Variants in MSRB3 observed in about 807,000 individuals in gnomAD.
MSRB3 encodes methionine sulfoxide reductase B3, also known as methionine-R-sulfoxide reductase B3.
In MSRB3, 13 loss-of-function variants were observed where a neutral mutation model predicts 21.0. The observed-to-expected ratio is 0.62, with a 90% CI of 0.40 to 0.98. The LOEUF (loss-of-function observed/expected upper bound fraction) is 0.98, where lower values mean the gene tolerates loss of function less well. Ranked by LOEUF, MSRB3 falls within the 50% of genes least tolerant of loss-of-function variation. The pLI is 0.00. For synonymous variants in MSRB3, 87 were observed against 88.6 expected, an observed-to-expected ratio of 0.98 and a Z score of 0.10; for missense variants, 199 against 230.3, an observed-to-expected ratio of 0.86 and a Z score of 0.88.
chr12:65,458,312 C>T (rs1883180754), intron 6 of MSRB3, among the ~76,000 whole-genome samples: 1 of 152,184 alleles, frequency 6.6e-6, no homozygotes, highest in African/African-American at 2.4e-5. Flanking sequence ...AATTAGGCCT[C>T]ATATTTGCAT....
At chr12:65,321,388 T>A (rs1874653517) in intron 2 of MSRB3, among the ~76,000 whole-genome samples, 1 of 152,210 alleles carries the variant, frequency 6.6e-6, no homozygotes, top group African/African-American at 2.4e-5. Context: ...ACATTTTTGA[T>A]GACTTAATTT....
intron 3 of MSRB3, among the ~76,000 whole-genome samples, chr12:65,327,879 C>T (rs531344697): frequency 1.3e-5 from 2 of 152,310 alleles, no homozygotes; most frequent in South Asian, 2.1e-4. Flanking sequence ...CTGTTGTGTA[C>T]ATGACTAGCA....
intron 5 of MSRB3, among the ~76,000 whole-genome samples, chr12:65,434,098 T>C (rs559382294): frequency 5.9e-5 from 9 of 152,020 alleles, no homozygotes; most frequent in African/African-American, 2.2e-4. Flanking sequence ...GTGTATGGGG[T>C]CCGTCCTTTC....
intron 1 of MSRB3, 78 bp downstream of exon 1, chr12:65,278,943 C>G: frequency 1.3e-6 from 2 of 1,530,110 alleles, no homozygotes; most frequent in Non-Finnish European, 1.8e-6. Context: ...GGTGTGACCC[C>G]GAGCCGGGAT....
chr12:65,409,246 C>T (rs1880590976), intron 5 of MSRB3, among the ~76,000 whole-genome samples: 1 of 152,066 alleles, frequency 6.6e-6, no homozygotes, highest in African/African-American at 2.4e-5. Context: ...CATCAGAATA[C>T]ATTCTGAGAA....
At chr12:65,358,562 T>G (rs1877522511) in intron 4 of MSRB3, among the ~76,000 whole-genome samples, 1 of 151,938 alleles carries the variant, frequency 6.6e-6, no homozygotes, top group Non-Finnish European at 1.5e-5. Context: ...TTTTGTTGTG[T>G]TTTTGAGTGC....
Position 65,340,755 on chromosome 12 carries a change from C to T in MSRB3, c.263+12152C>T, listed in dbSNP as rs142658658. On this transcript the variant is annotated intron_variant, in intron 4 of 6. Transcript: ENST00000308259. ...ACTAGAAATGAGAATAAGATAAAAC[C>T]ACAGAGATGGAAAAAACTATTTTAA... Among the ~76,000 whole-genome samples the T allele has an allele frequency of 8.2e-3, 1,239 of 151,324 alleles. 18 individuals carry two copies. The highest frequency in any genetic ancestry group is 0.029 in the African/African-American group (1,207 of 41,290).
chr12:65,466,332 G>A lies in MSRB3; in HGVS notation c.*3010G>A, dbSNP rs1048637417. On this transcript the variant is annotated 3_prime_UTR_variant, in exon 7 of 7. Transcript: ENST00000308259. ...TGTGAAAGAAATATATTACTAAAAC[G>A]TCAGTGAGCAATAATGTCAGCTGTC... 5 of 152,080 alleles carry A rather than the reference G, an allele frequency of 3.3e-5. No homozygotes were observed. The highest frequency in any genetic ancestry group is 7.2e-5 in the African/African-American group (3 of 41,412). The allele number at this position is 152,080 out of a possible 1,614,324, so 9.4% of individuals were successfully genotyped here. A position where few individuals can be genotyped will look rare whatever the true frequency, so the allele number is the denominator to read the frequency against.
chr12:65,378,822 A>G (rs747874720), intron 5 of MSRB3, among the ~76,000 whole-genome samples: 2 of 152,224 alleles, frequency 1.3e-5, no homozygotes, highest in Non-Finnish European at 2.9e-5. Context: ...CATGAGTGAG[A>G]ATACTTACAT....
chr12:65,380,787 C>A (rs939794480), intron 5 of MSRB3, among the ~76,000 whole-genome samples: 2 of 152,078 alleles, frequency 1.3e-5, no homozygotes, highest in African/African-American at 2.4e-5. Context: ...TAGATATTTG[C>A]CCAAGGTCAC....
intron 1 of MSRB3, chr12:65,306,727 G>C (rs181832911): frequency 1.7e-6 from 1 of 590,916 alleles, no homozygotes; most frequent in East Asian, 1.4e-4. Flanking sequence ...ACTAGATGGA[G>C]CCCTGGCTAT....
chr12:65,357,931 A>C (rs1038901039), intron 4 of MSRB3, among the ~76,000 whole-genome samples: 2 of 151,990 alleles, frequency 1.3e-5, no homozygotes, highest in African/African-American at 4.8e-5. Context: ...CACTGTAAAC[A>C]TACTTTTTTC....
At chr12:65,441,673 G>A (rs1181001789) in intron 5 of MSRB3, among the ~76,000 whole-genome samples, 2 of 151,920 alleles carry the variant, frequency 1.3e-5, no homozygotes, top group Non-Finnish European at 2.9e-5. Flanking sequence ...AAACAGTTAT[G>A]ATATATTAGA....
chr12:65,409,780 T>C (rs1429173419), intron 5 of MSRB3, among the ~76,000 whole-genome samples: 3 of 152,186 alleles, frequency 2.0e-5, no homozygotes, highest in Non-Finnish European at 4.4e-5. Context: ...TTTATGAGTT[T>C]TATTTATCAT....
At chr12:65,325,679 T>C (rs981701848) in intron 2 of MSRB3, among the ~76,000 whole-genome samples, 4 of 152,200 alleles carry the variant, frequency 2.6e-5, no homozygotes, top group Non-Finnish European at 5.9e-5. Context: ...TCTTTATATT[T>C]CAAAAGAAGT....
chr12:65,293,957 G>A (rs2136399647), intron 1 of MSRB3, among the ~76,000 whole-genome samples: 1 of 152,306 alleles, frequency 6.6e-6, no homozygotes, highest in South Asian at 2.1e-4. Flanking sequence ...CTCTCCTGTG[G>A]CCTCCAGGTA....
At chr12:65,375,017 T>C (rs1332876431) in intron 5 of MSRB3, among the ~76,000 whole-genome samples, 1 of 151,204 alleles carries the variant, frequency 6.6e-6, no homozygotes, top group African/African-American at 2.4e-5. Context: ...GCCTGGCTTT[T>C]TTTTTTTTTT....
At chr12:65,287,264 A>C (rs1030432974) in intron 1 of MSRB3, among the ~76,000 whole-genome samples, 4 of 151,250 alleles carry the variant, frequency 2.6e-5, no homozygotes, top group Non-Finnish European at 5.9e-5. Flanking sequence ...CTAGGACTAC[A>C]GGCTTGTGTC....
chr12:65,308,623 C>T lies in MSRB3; in HGVS notation c.44C>T (p.Pro15Leu). Residue 15 changes from proline (P) to leucine (L), a missense_variant, in exon 2 of 7, where the codon CCA becomes CTA. Pro to Leu is a moderately conservative substitution (Grantham distance 98). Transcript: ENST00000308259. Reference sequence around the variant, plus strand: ...CTGCATTTGGTGACAAAGAGCCAGCCAGTAGCCCTTCGAGCCTGTGGGCTT... The same window carrying T: ...CTGCATTTGGTGACAAAGAGCCAGCTAGTAGCCCTTCGAGCCTGTGGGCTT... ...NLLHLVTKSQPVALRACGLPS... is the reference protein window; with the variant it reads ...NLLHLVTKSQLVALRACGLPS... 1 of 1,613,946 alleles carries T rather than the reference C, an allele frequency of 6.2e-7. No individual in the cohort carries two copies. Among genetic ancestry groups the T allele is most frequent in the Non-Finnish European group, 8.5e-7 (1 of 1,179,892 alleles).
Sources: allele counts gnomAD v4.1 joint callset (sites outside exome capture counted in the v4.1 genomes callset), GRCh38; gene constraint gnomAD v4.1.1; transcripts MANE v1.5; gene names NCBI Gene and HGNC (gene_info 2026-07-23, HGNC 2026-07-21).